Variants in NTM observed in about 807,000 individuals in gnomAD.
NTM encodes neurotrimin, also known as IgLON family member 2.
A neutral mutation model predicts 42.1 loss-of-function variants in NTM; 13 were observed. The ratio of observed to expected loss-of-function variants is 0.31; its 90% CI spans 0.20 to 0.49. The LOEUF is 0.49. Among genes scored for constraint, NTM ranks in the 20% least tolerant of loss-of-function variants. The pLI is 0.99. For synonymous variants in NTM, 187 were observed against 179.2 expected (o/e 1.04, Z -0.35); for missense variants, 373 against 452.8 (o/e 0.82, Z 1.60).
chr11:132,109,360 C>T (rs965725278), intron 2 of NTM, among the ~76,000 whole-genome samples: 7 of 152,144 alleles, frequency 4.6e-5, no homozygotes, highest in Non-Finnish European at 7.3e-5. Flanking sequence ...CTCTCCCTCA[C>T]CCCTTCCACC....
chr11:132,120,012 A>G (rs1459621341), intron 2 of NTM, among the ~76,000 whole-genome samples: 2 of 152,236 alleles, frequency 1.3e-5, no homozygotes, highest in Non-Finnish European at 2.9e-5. Context: ...GACAAATCTC[A>G]GAAGAATGCG....
Position 131,467,256 on chromosome 11 carries a change from T to C in NTM, c.82+96368T>C, listed in dbSNP as rs190212527. On this transcript the variant is annotated intron_variant, in intron 1 of 8. Coordinates refer to ENST00000683400, the MANE Select transcript of NTM (RefSeq NM_001352005.2). Reference sequence around the variant, plus strand: ...GAGAGGGATCCCAGGAGGAAATGAATTGTAACTCAGAGAAGCCCTTGCTCC... The same window carrying C: ...GAGAGGGATCCCAGGAGGAAATGAACTGTAACTCAGAGAAGCCCTTGCTCC... Among the ~76,000 whole-genome samples the C allele has an allele frequency of 9.2e-5, 14 of 152,118 alleles. No individual in the cohort carries two copies. The East Asian group carries it at 2.5e-3, about 27-fold the overall frequency.
intron 1 of NTM, among the ~76,000 whole-genome samples, chr11:131,601,916 T>C (rs2060519773): frequency 6.6e-6 from 1 of 152,184 alleles, no homozygotes; most frequent in Non-Finnish European, 1.5e-5. Flanking sequence ...GACATACTCC[T>C]TGTTCTCTCT....
intron 1 of NTM, among the ~76,000 whole-genome samples, chr11:131,897,316 T>A (rs776673810): frequency 6.6e-6 from 1 of 152,164 alleles, no homozygotes; most frequent in Non-Finnish European, 1.5e-5. Context: ...GGTGGTAGCA[T>A]TGGAGACTGG....
chr11:132,314,748 A>G (rs1303986122), intron 7 of NTM, 45 bp downstream of exon 7: 1 of 1,562,302 alleles, frequency 6.4e-7, no homozygotes, highest in African/African-American at 1.4e-5. Flanking sequence ...GAGAGGGTGC[A>G]GAACGGGAGA....
At chr11:132,009,528 C>G (rs1409067513) in intron 2 of NTM, among the ~76,000 whole-genome samples, 1 of 152,258 alleles carries the variant, frequency 6.6e-6, no homozygotes, top group Admixed American at 6.5e-5. Context: ...AGTGCCCTGG[C>G]TGTGCCATCC....
intron 2 of NTM, among the ~76,000 whole-genome samples, chr11:132,123,331 GA>G (rs1218824494): frequency 6.6e-6 from 1 of 152,226 alleles, no homozygotes; most frequent in Non-Finnish European, 1.5e-5. Context: ...TCTCGTAGGT[GA>G]AGGGGGAGGT....
intron 2 of NTM, among the ~76,000 whole-genome samples, chr11:132,031,520 G>A (rs117864993): frequency 0.021 from 3,253 of 152,226 alleles, 44 homozygotes; most frequent in South Asian, 0.055. Context: ...TTGGTAGATT[G>A]GGTGTTGGTA....
intron 1 of NTM, among the ~76,000 whole-genome samples, chr11:131,717,509 C>T (rs2077835450): frequency 6.6e-6 from 1 of 152,178 alleles, no homozygotes; most frequent in Non-Finnish European, 1.5e-5. Flanking sequence ...ACATTTTAAA[C>T]ATTTCAATTT....
intron 1 of NTM, among the ~76,000 whole-genome samples, chr11:131,591,418 G>A (rs1025021406): frequency 6.6e-6 from 1 of 152,234 alleles, no homozygotes; most frequent in Non-Finnish European, 1.5e-5. Context: ...AGTCCATGGA[G>A]CTGAGCTGGG....
chr11:131,687,801 C>CGCT (rs201580080), intron 1 of NTM, among the ~76,000 whole-genome samples: 4,659 of 152,194 alleles, frequency 0.031, 92 homozygotes, highest in Non-Finnish European at 0.046. Flanking sequence ...TGTGAAGTCC[C>CGCT]GCTGCTCCTC....
chr11:131,716,788 C>A (rs1464904795), intron 1 of NTM, among the ~76,000 whole-genome samples: 1 of 152,036 alleles, frequency 6.6e-6, no homozygotes, highest in Non-Finnish European at 1.5e-5. Flanking sequence ...TTTCACTGGC[C>A]TATTTTTCAG....
At chr11:131,993,675 A>T (rs1417879488) in intron 2 of NTM, among the ~76,000 whole-genome samples, 1 of 152,128 alleles carries the variant, frequency 6.6e-6, no homozygotes, top group Non-Finnish European at 1.5e-5. Context: ...ACAAAAATTA[A>T]AGGGGATTGA....
At chr11:131,684,964 C>T (rs943275170) in intron 1 of NTM, among the ~76,000 whole-genome samples, 9 of 152,192 alleles carry the variant, frequency 5.9e-5, no homozygotes, top group South Asian at 2.1e-4. Flanking sequence ...GTTCTGTGGA[C>T]GCTGGCCCAG....
At chr11:132,265,005 T>G (rs2093095003) in intron 4 of NTM, among the ~76,000 whole-genome samples, 1 of 152,110 alleles carries the variant, frequency 6.6e-6, no homozygotes, top group South Asian at 2.1e-4. Flanking sequence ...AACATATGAA[T>G]TTGGGGATGA....
intron 2 of NTM, among the ~76,000 whole-genome samples, chr11:131,970,072 T>C (rs2063340449): frequency 6.6e-6 from 1 of 152,208 alleles, no homozygotes; most frequent in African/African-American, 2.4e-5. Context: ...GACCTCAGAA[T>C]GTGCTGAGAT....
intron 1 of NTM, among the ~76,000 whole-genome samples, chr11:131,422,683 C>T (rs565514291): frequency 6.6e-5 from 10 of 152,320 alleles, no homozygotes; most frequent in Non-Finnish European, 1.0e-4. Flanking sequence ...TTCCCTCTCC[C>T]GCCCTTCCAA....
At chr11:131,910,852 T>C in intron 1 of NTM, 2 of 984,912 alleles carry the variant, frequency 2.0e-6, no homozygotes, top group Non-Finnish European at 2.4e-6. Context: ...CCGAGGAAGT[T>C]GACCGAGGCG....
intron 1 of NTM, among the ~76,000 whole-genome samples, chr11:131,803,024 T>C (rs2092256164): frequency 6.6e-6 from 1 of 152,170 alleles, no homozygotes; most frequent in Admixed American, 6.5e-5. Context: ...CCAATAATTC[T>C]AGCATGTCAT....
Sources: gnomAD v4.1 joint callset for allele counts (sites outside exome capture counted in the v4.1 genomes callset) on GRCh38, gnomAD v4.1.1 for gene constraint, MANE v1.5 for transcripts, NCBI Gene and HGNC (gene_info 2026-07-23, HGNC 2026-07-21) for gene names.